The following MAGI2 variants were observed in gnomAD, a reference collection of about 807,000 sequenced individuals.
MAGI2 encodes membrane-associated guanylate kinase, WW and PDZ domain-containing protein 2.
Under a neutral mutation model 133.3 loss-of-function variants are expected in MAGI2, and 35 were observed. The ratio of observed to expected loss-of-function variants is 0.26; its 90% CI spans 0.20 to 0.35. MAGI2 has a LOEUF of 0.35. Among genes scored for constraint, MAGI2 ranks in the 10% least tolerant of loss-of-function variants. The pLI is 1.00. For missense variants in MAGI2, 1,636 were observed against 1,863.4 expected, an observed-to-expected ratio of 0.88 and a Z score of 2.25; for synonymous variants, 729 against 710.6, an observed-to-expected ratio of 1.03 and a Z score of -0.41.
chr7:78,501,361 G>A (rs998174277), intron 5 of MAGI2, among the ~76,000 whole-genome samples: 1 of 151,940 alleles, frequency 6.6e-6, no homozygotes, highest in Non-Finnish European at 1.5e-5. Flanking sequence ...AGATTGTAGG[G>A]TGCTATTATT....
At chr7:78,479,061 C>A (rs535369576) in intron 6 of MAGI2, among the ~76,000 whole-genome samples, 1 of 152,020 alleles carries the variant, frequency 6.6e-6, no homozygotes, top group African/African-American at 2.4e-5. Flanking sequence ...AGCACCTGCA[C>A]TGGTGATGTC....
At chr7:78,705,906 CTT>C (rs955725116) in intron 2 of MAGI2, among the ~76,000 whole-genome samples, 3 of 152,050 alleles carry the variant, frequency 2.0e-5, no homozygotes, top group Admixed American at 6.6e-5. Flanking sequence ...CTTTCATTGT[CTT>C]TGACAAATAC....
intron 1 of MAGI2, among the ~76,000 whole-genome samples, chr7:79,214,123 AACTT>A (rs1248562694): frequency 6.6e-6 from 1 of 151,786 alleles, no homozygotes; most frequent in East Asian, 1.9e-4. Context: ...TTTATGAAGA[AACTT>A]AATATACTTT....
intron 3 of MAGI2, among the ~76,000 whole-genome samples, chr7:78,571,009 T>C (rs1350512078): frequency 4.6e-5 from 7 of 152,186 alleles, no homozygotes; most frequent in Admixed American, 2.6e-4. Context: ...TTAGCTTGAG[T>C]AAATAAAATT....
At chr7:79,157,757 C>T (rs1823927039) in intron 1 of MAGI2, among the ~76,000 whole-genome samples, 1 of 151,236 alleles carries the variant, frequency 6.6e-6, no homozygotes, top group Non-Finnish European at 1.5e-5. Flanking sequence ...TATAGGGATC[C>T]TAAGTATTCT....
chr7:79,248,987 C>T (rs886485419), intron 1 of MAGI2, among the ~76,000 whole-genome samples: 1 of 152,006 alleles, frequency 6.6e-6, no homozygotes, highest in Admixed American at 6.6e-5. Flanking sequence ...CCTCAGCCAC[C>T]CAAGTAGCTG....
rs535130430 is a variant in MAGI2, at chr7:79,232,152, C to T, written c.301+220868G>A. On this transcript the variant is annotated intron_variant, in intron 1 of 21. Coordinates refer to ENST00000354212, the MANE Select transcript of MAGI2 (RefSeq NM_012301.4). ...ATCCCAGGGATGAAGCCCACTTGAT[C>T]ATGATGGATAAGCTTTTTGATGTGC... Among the ~76,000 whole-genome samples, 6 of 152,292 alleles carry T rather than the reference C, an allele frequency of 3.9e-5. No homozygotes were observed. In the South Asian group the frequency reaches 1.2e-3, roughly 32 times the overall value.
At chr7:78,886,733 T>A (rs548606710) in intron 2 of MAGI2, among the ~76,000 whole-genome samples, 38 of 152,338 alleles carry the variant, frequency 2.5e-4, no homozygotes, top group African/African-American at 7.0e-4. Context: ...TCTTCCTGAC[T>A]TCCACTTTCT....
intron 3 of MAGI2, among the ~76,000 whole-genome samples, chr7:78,538,834 T>A (rs376958816): frequency 6.6e-5 from 10 of 152,290 alleles, no homozygotes; most frequent in African/African-American, 2.2e-4. Flanking sequence ...TGTCCTTTAT[T>A]TCTTTCTCTT....
intron 20 of MAGI2, among the ~76,000 whole-genome samples, chr7:78,091,829 A>T (rs1817243186): frequency 6.6e-6 from 1 of 152,212 alleles, no homozygotes; most frequent in African/African-American, 2.4e-5. Flanking sequence ...AGATTTTATG[A>T]TGTATTGTTA....
chr7:78,503,250 C>T (rs139432614), intron 4 of MAGI2, among the ~76,000 whole-genome samples: 4 of 152,170 alleles, frequency 2.6e-5, no homozygotes, highest in Non-Finnish European at 5.9e-5. Context: ...GTATGCTCTC[C>T]AAGTATCTTA....
At chr7:78,677,185 A>G (rs321973) in intron 2 of MAGI2, among the ~76,000 whole-genome samples, 5,669 of 152,136 alleles carry the variant, frequency 0.037, 166 homozygotes, top group Non-Finnish European at 0.06. Context: ...TTGCAGTTAC[A>G]TAGTAATATC....
chr7:79,450,586 T>C lies in MAGI2; in HGVS notation c.301+2434A>G, dbSNP rs571291322. 3.9e-5 allele frequency among the ~76,000 whole-genome samples: 6 copies of C among 152,232 alleles called. No individual in the cohort carries two copies. The South Asian group carries it at 1.2e-3, about 32-fold the overall frequency. Reference sequence around the variant, plus strand: ...TCAATGAACCAGTGAAGCACGAAACTGAGGGTTAATATAGAATGAAAAGAG... The same window carrying C: ...TCAATGAACCAGTGAAGCACGAAACCGAGGGTTAATATAGAATGAAAAGAG... On this transcript the variant is annotated intron_variant, in intron 1 of 21. Transcript: ENST00000354212.
At chr7:78,964,665 T>A (rs1463952439) in intron 2 of MAGI2, among the ~76,000 whole-genome samples, 3 of 152,056 alleles carry the variant, frequency 2.0e-5, no homozygotes, top group Non-Finnish European at 4.4e-5. Flanking sequence ...TACAAAGATG[T>A]CTGTACTAAT....
chr7:79,406,164 A>G (rs1022325398), intron 1 of MAGI2, among the ~76,000 whole-genome samples: 2 of 152,004 alleles, frequency 1.3e-5, no homozygotes, highest in South Asian at 4.1e-4. Context: ...TTTTTTTGGC[A>G]ATTGAAATCC....
chr7:79,446,291 G>A (rs1475936024), intron 1 of MAGI2, among the ~76,000 whole-genome samples: 4 of 152,058 alleles, frequency 2.6e-5, no homozygotes, highest in African/African-American at 9.7e-5. Flanking sequence ...CGTTGAGCAC[G>A]TGTACCCCGA....
At chr7:79,294,195 A>G (rs983069466) in intron 1 of MAGI2, among the ~76,000 whole-genome samples, 1 of 150,192 alleles carries the variant, frequency 6.7e-6, no homozygotes, top group Non-Finnish European at 1.5e-5. Flanking sequence ...AAAAAAAAAA[A>G]GGAAAAAGAA....
intron 1 of MAGI2, among the ~76,000 whole-genome samples, chr7:79,041,422 C>T (rs1811658101): frequency 6.6e-6 from 1 of 152,026 alleles, no homozygotes; most frequent in African/African-American, 2.4e-5. Context: ...AATGTTGTTA[C>T]TAATATTTGC....
chr7:78,369,921 T>A (rs1793753853), intron 6 of MAGI2, among the ~76,000 whole-genome samples: 1 of 152,068 alleles, frequency 6.6e-6, no homozygotes. Flanking sequence ...TAGGCTTTGC[T>A]TCATAATATT....
Sources: gnomAD v4.1 joint callset for allele counts (sites outside exome capture counted in the v4.1 genomes callset) on GRCh38, gnomAD v4.1.1 for gene constraint, MANE v1.5 for transcripts, NCBI Gene and HGNC (gene_info 2026-07-23, HGNC 2026-07-21) for gene names.